The following WDR88 variants were observed in gnomAD, a reference collection of about 807,000 sequenced individuals.
The protein encoded by WDR88 is WD repeat-containing protein 88.
Under a neutral mutation model 46.8 loss-of-function variants are expected in WDR88, and 40 were observed. The ratio of observed to expected loss-of-function variants is 0.86; its 90% CI spans 0.66 to 1.11. The LOEUF (loss-of-function observed/expected upper bound fraction) is 1.11, where lower values mean the gene tolerates loss of function less well. WDR88 is among the 50% of genes most tolerant of loss of function. The pLI is 0.00. For missense variants in WDR88, 562 were observed against 602.4 expected (o/e 0.93, Z 0.70); for synonymous variants, 235 against 240.7 (o/e 0.98, Z 0.22).
Position 33,160,990 on chromosome 19 carries a change from G to A in WDR88, c.1080+494G>A, listed in dbSNP as rs562411203. Reference sequence around the variant, plus strand: ...AGTTTGAGACCAGCCTGGCCAACATGGTGAAACCCCCGTCTCTACTAAAAA... The same window carrying A: ...AGTTTGAGACCAGCCTGGCCAACATAGTGAAACCCCCGTCTCTACTAAAAA... On this transcript the variant is annotated intron_variant, in intron 8 of 10. Transcript: ENST00000355868. 1.0e-3 allele frequency among the ~76,000 whole-genome samples: 159 copies of A among 151,720 alleles called. No homozygotes were observed. The East Asian group carries it at 0.027, about 26-fold the overall frequency.
rs541164406 is a variant in WDR88 at position 33,153,333 on chromosome 19, G to A, written c.809+2023G>A. The stretch of plus-strand genomic sequence containing the variant: ...TCTCACTTTGGCCTCCCAAAGTTCT[G>A]GGATGACAGGTGTGAGCCACTGCAC... On this transcript the variant is annotated intron_variant, in intron 6 of 10. Coordinates refer to ENST00000355868, the MANE Select transcript of WDR88 (RefSeq NM_173479.4). 1.1e-3 allele frequency among the ~76,000 whole-genome samples: 173 copies of A among 150,780 alleles called. 1 individual carries two copies. The highest frequency in any genetic ancestry group is 2.4e-3 in the African/African-American group (97 of 40,856).
intron 9 of WDR88, among the ~76,000 whole-genome samples, chr19:33,165,026 G>A (rs1973930760): frequency 6.6e-6 from 1 of 151,910 alleles, no homozygotes; most frequent in Admixed American, 6.6e-5. Flanking sequence ...CTCATAAGGA[G>A]CACACAGCCT....
chr19:33,138,769 C>T (rs1568359073), intron 2 of WDR88, among the ~76,000 whole-genome samples: 2 of 149,906 alleles, frequency 1.3e-5, no homozygotes, highest in Non-Finnish European at 3.0e-5. Context: ...CTACAACTTC[C>T]GCCTCTGGGT....
At chr19:33,175,359 C>A (rs775198864) in intron 10 of WDR88, 37 bp from the exon 11 acceptor site, 3 of 1,605,094 alleles carry the variant, frequency 1.9e-6, no homozygotes, top group Non-Finnish European at 1.7e-6. Context: ...CTCTGACCAG[C>A]ACCTCCTTTC....
rs143800688 is a variant in WDR88, at chr19:33,156,385, T to C, written c.840T>C (p.Cys280=). The change falls in exon 7 of 11, where the codon TGT becomes TGC. Residue 280 remains cysteine, a synonymous_variant. Coordinates refer to ENST00000355868, the MANE Select transcript of WDR88 (RefSeq NM_173479.4). ...ATTCCAATGCAATCTCAAACTGCTGTTTTACCTTCAGTGGCCATTTCCTGT... is the reference window on the plus strand; with the variant it reads ...ATTCCAATGCAATCTCAAACTGCTGCTTTACCTTCAGTGGCCATTTCCTGT... ...KAHSNAISNC[C]FTFSGHFLCT... 71 of 1,614,042 alleles carry C rather than the reference T, an allele frequency of 4.4e-5. No individual in the cohort carries two copies. Among genetic ancestry groups the C allele is most frequent in the Non-Finnish European group, 5.8e-5 (68 of 1,180,040 alleles).
At chr19:33,144,140 C>T (rs549712540) in intron 2 of WDR88, among the ~76,000 whole-genome samples, 71 of 152,304 alleles carry the variant, frequency 4.7e-4, no homozygotes, top group African/African-American at 1.6e-3. Flanking sequence ...GCGCTGCCCT[C>T]AGTTGGCCCC....
At chr19:33,170,169 G>A (rs1157790461) in intron 9 of WDR88, among the ~76,000 whole-genome samples, 6 of 151,136 alleles carry the variant, frequency 4.0e-5, no homozygotes, top group Non-Finnish European at 7.4e-5. Flanking sequence ...GAGCCACTGC[G>A]CCCAGCCCAT....
chr19:33,162,167 C>A (rs1973878146), intron 8 of WDR88, among the ~76,000 whole-genome samples: 1 of 152,136 alleles, frequency 6.6e-6, no homozygotes, highest in East Asian at 1.9e-4. Flanking sequence ...GTGTCTGAGG[C>A]AGCAATGGCA....
chr19:33,153,906 G>C (rs560251689), intron 6 of WDR88, among the ~76,000 whole-genome samples: 2 of 152,264 alleles, frequency 1.3e-5, no homozygotes, highest in Admixed American at 6.5e-5. Flanking sequence ...TTTCTGAAGT[G>C]TAATTATGTG....
chr19:33,135,105 C>T (rs1334037948), intron 1 of WDR88, among the ~76,000 whole-genome samples: 1 of 151,446 alleles, frequency 6.6e-6, no homozygotes, highest in African/African-American at 2.4e-5. Context: ...CTTTTTTTCC[C>T]CCCAGTTTTA....
intron 4 of WDR88, among the ~76,000 whole-genome samples, chr19:33,148,161 T>A (rs1002586922): frequency 6.6e-6 from 1 of 151,744 alleles, no homozygotes; most frequent in Admixed American, 6.6e-5. Flanking sequence ...TCTCTTTATA[T>A]CTTGGAGGGG....
Position 33,160,367 on chromosome 19 carries a change from G to C in WDR88, c.998-47G>C, listed in dbSNP as rs370631652. 561 of 1,602,554 alleles carry C rather than the reference G, an allele frequency of 3.5e-4. 1 individual carries two copies. In the Middle Eastern group the frequency reaches 5.3e-3, roughly 15 times the overall value. On this transcript the variant is annotated intron_variant, in intron 7 of 10. Coordinates refer to ENST00000355868, the MANE Select transcript of WDR88 (RefSeq NM_173479.4). Reference sequence around the variant, plus strand: ...CTTCAGCTGGCTTTGGGCTCACTTGGCTTGGAAAGTTGACCCCCATCTCCA... The same window carrying C: ...CTTCAGCTGGCTTTGGGCTCACTTGCCTTGGAAAGTTGACCCCCATCTCCA...
chr19:33,139,234 G>A (rs1973340379), intron 2 of WDR88, among the ~76,000 whole-genome samples: 1 of 152,262 alleles, frequency 6.6e-6, no homozygotes, highest in South Asian at 2.1e-4. Flanking sequence ...GGATGGGGCT[G>A]TGAGGTTCAC....
intron 1 of WDR88, among the ~76,000 whole-genome samples, chr19:33,133,198 T>TAAAG (rs1555723214): frequency 1.0e-4 from 8 of 79,816 alleles, no homozygotes; most frequent in African/African-American, 2.6e-4. Flanking sequence ...TAAATAAATA[T>TAAAG]AGAGAGAGAG....
At chr19:33,138,777 G>A (rs1973331424) in intron 2 of WDR88, among the ~76,000 whole-genome samples, 1 of 149,798 alleles carries the variant, frequency 6.7e-6, no homozygotes, top group Non-Finnish European at 1.5e-5. Context: ...TCCGCCTCTG[G>A]GTTCAAGTGA....
chr19:33,165,881 A>ACC (rs1350534070), intron 9 of WDR88, among the ~76,000 whole-genome samples: 4 of 147,460 alleles, frequency 2.7e-5, no homozygotes, highest in African/African-American at 1.0e-4. Flanking sequence ...AGCCTGGGTG[A>ACC]CAAGAGCGAA....
intron 9 of WDR88, 46 bp downstream of exon 9, chr19:33,164,311 G>T: frequency 6.4e-7 from 1 of 1,562,600 alleles, no homozygotes. Context: ...CGCCAGGATT[G>T]GTGATAGTGG....
chr19:33,142,948 C>T (rs1973430922), intron 2 of WDR88, among the ~76,000 whole-genome samples: 3 of 148,758 alleles, frequency 2.0e-5, no homozygotes, highest in African/African-American at 7.5e-5. Context: ...TGGCAAGTTA[C>T]CATCCCATCC....
chr19:33,147,049 T>C (rs1180752725), intron 3 of WDR88, among the ~76,000 whole-genome samples: 1 of 147,432 alleles, frequency 6.8e-6, no homozygotes. Context: ...GCCTGGGCTC[T>C]GTCTCTAAGG....
Sources: allele counts gnomAD v4.1 joint callset (sites outside exome capture counted in the v4.1 genomes callset), GRCh38; gene constraint gnomAD v4.1.1; transcripts MANE v1.5; gene names NCBI Gene and HGNC (gene_info 2026-07-23, HGNC 2026-07-21).